Variants in CCSER1 observed in about 807,000 individuals in gnomAD.
The protein encoded by CCSER1 is serine-rich coiled-coil domain-containing protein 1.
Under a neutral mutation model 82.0 loss-of-function variants are expected in CCSER1, and 41 were observed. The observed-to-expected ratio is 0.50, with a 90% CI of 0.39 to 0.65. The LOEUF (loss-of-function observed/expected upper bound fraction) is 0.65, where lower values mean the gene tolerates loss of function less well. Among genes scored for constraint, CCSER1 ranks in the 30% least tolerant of loss-of-function variants. The pLI is 0.00. For synonymous variants in CCSER1, 414 were observed against 383.9 expected (o/e 1.08, Z -0.92); for missense variants, 1,119 against 1,064.2 (o/e 1.05, Z -0.72).
At chr4:90,600,010 T>C (rs1236990573) in intron 5 of CCSER1, among the ~76,000 whole-genome samples, 1 of 152,212 alleles carries the variant, frequency 6.6e-6, no homozygotes, top group Non-Finnish European at 1.5e-5. Context: ...AACATAATTA[T>C]TTTGATGTTC....
At chr4:90,338,111 TA>T (rs1212615797) in intron 3 of CCSER1, among the ~76,000 whole-genome samples, 2 of 152,226 alleles carry the variant, frequency 1.3e-5, no homozygotes, top group Non-Finnish European at 2.9e-5. Context: ...TCTTTGTTCT[TA>T]AAACCAGTCA....
Position 91,460,769 on chromosome 4 carries a change from T to C in CCSER1, c.2218-137803T>C, listed in dbSNP as rs145868352. ...TATTGTGAGTGGCCTTACACTTTCA[T>C]CCATAAATGTGAGGATGAAAGAAAA... On this transcript the variant is annotated intron_variant, in intron 10 of 10. Coordinates refer to ENST00000509176, the MANE Select transcript of CCSER1 (RefSeq NM_001145065.2). Among the ~76,000 whole-genome samples, 27 of 152,266 alleles carry C rather than the reference T, an allele frequency of 1.8e-4. No homozygotes were observed. The East Asian group carries it at 5.2e-3, about 29-fold the overall frequency.
chr4:91,445,870 T>A (rs1043037710), intron 10 of CCSER1, among the ~76,000 whole-genome samples: 1 of 152,126 alleles, frequency 6.6e-6, no homozygotes, highest in Admixed American at 6.6e-5. Context: ...AGTGGGTTTT[T>A]TTTTCTTTAT....
At chr4:90,619,795 T>C (rs1721967791) in intron 5 of CCSER1, among the ~76,000 whole-genome samples, 1 of 152,130 alleles carries the variant, frequency 6.6e-6, no homozygotes, top group African/African-American at 2.4e-5. Flanking sequence ...AATTTGGATT[T>C]TTTTTGTTCA....
intron 1 of CCSER1, among the ~76,000 whole-genome samples, chr4:90,141,606 T>C (rs1724809774): frequency 6.6e-6 from 1 of 152,218 alleles, no homozygotes; most frequent in African/African-American, 2.4e-5. Flanking sequence ...AAAAAATGAA[T>C]GAGGAGACTG....
intron 10 of CCSER1, among the ~76,000 whole-genome samples, chr4:91,227,546 A>G (rs1015894330): frequency 6.6e-6 from 1 of 151,020 alleles, no homozygotes; most frequent in Non-Finnish European, 1.5e-5. Context: ...CATGGGGTAC[A>G]TGTACTGGTT....
At chr4:90,691,623 TGTATGTATATATATCAC>T (rs1335359836) in intron 6 of CCSER1, among the ~76,000 whole-genome samples, 4 of 143,276 alleles carry the variant, frequency 2.8e-5, no homozygotes, top group Non-Finnish European at 6.2e-5. Context: ...TGTATATATG[TGTATGTATATATATCAC>T]ATGTATATAT....
intron 8 of CCSER1, among the ~76,000 whole-genome samples, chr4:90,896,367 A>G (rs1489317206): frequency 6.6e-6 from 1 of 151,942 alleles, no homozygotes; most frequent in African/African-American, 2.4e-5. Context: ...GTGTAAGGAG[A>G]GAGGTGATCT....
chr4:90,838,070 AAAG>A (rs1762033921), intron 8 of CCSER1, among the ~76,000 whole-genome samples: 1 of 152,122 alleles, frequency 6.6e-6, no homozygotes, highest in Non-Finnish European at 1.5e-5. Flanking sequence ...TCAGTATAAA[AAAG>A]AAAAAAAACC....
chr4:91,071,517 A>C (rs1336884084), intron 9 of CCSER1, among the ~76,000 whole-genome samples: 3 of 152,188 alleles, frequency 2.0e-5, no homozygotes, highest in African/African-American at 4.8e-5. Flanking sequence ...AAGAACTATC[A>C]AGAGAGTCAT....
chr4:91,296,483 A>ATATATATATATATATTATTTATT (rs1175690764), intron 10 of CCSER1, among the ~76,000 whole-genome samples: 1 of 124,066 alleles, frequency 8.1e-6, no homozygotes, highest in Admixed American at 7.7e-5. Flanking sequence ...ATATATATAT[A>ATATATATATATATATTATTTATT]TATTTTAATT....
intron 9 of CCSER1, among the ~76,000 whole-genome samples, chr4:91,016,365 C>T (rs907618768): frequency 6.6e-6 from 1 of 151,870 alleles, no homozygotes; most frequent in African/African-American, 2.4e-5. Context: ...TTTTCATTGA[C>T]TTTAGAAAGC....
intron 9 of CCSER1, among the ~76,000 whole-genome samples, chr4:90,971,679 T>A (rs188939243): frequency 6.6e-6 from 1 of 151,934 alleles, no homozygotes; most frequent in African/African-American, 2.4e-5. Flanking sequence ...CAAATTACCC[T>A]GAATATCAAA....
At chr4:90,410,116 C>A (rs188140457) in intron 4 of CCSER1, among the ~76,000 whole-genome samples, 4 of 152,220 alleles carry the variant, frequency 2.6e-5, no homozygotes, top group African/African-American at 9.6e-5. Flanking sequence ...TACAGGAGCA[C>A]CCAGATTCAT....
At position 90,874,341 on chromosome 4, in the gene CCSER1, T is replaced by G. The variant is rs563285196; in HGVS notation, c.2095-49029T>G. Among the ~76,000 whole-genome samples the G allele has an allele frequency of 4.6e-5, 7 of 152,314 alleles. No homozygotes were observed. In the East Asian group the frequency reaches 1.2e-3, roughly 25 times the overall value. On this transcript the variant is annotated intron_variant, in intron 8 of 10. Transcript: ENST00000509176. ...TAAGCACATAAAGCTAGTGGCCATG[T>G]AGCAAACCTCTAAATTTTTTTAAAA...
chr4:91,043,666 C>T (rs1366809489), intron 9 of CCSER1, among the ~76,000 whole-genome samples: 2 of 141,044 alleles, frequency 1.4e-5, no homozygotes, highest in East Asian at 2.1e-4. Context: ...TCTCAGCTCA[C>T]TGCAACCTCC....
chr4:90,854,471 A>G (rs17248796), intron 8 of CCSER1, among the ~76,000 whole-genome samples: 27,578 of 152,026 alleles, frequency 0.18, 2,795 homozygotes, highest in South Asian at 0.27. Flanking sequence ...CATTTTTTGC[A>G]TTGCTATTTT....
At chr4:90,322,821 T>G (rs918456714) in intron 3 of CCSER1, among the ~76,000 whole-genome samples, 5 of 152,104 alleles carry the variant, frequency 3.3e-5, no homozygotes, top group Non-Finnish European at 7.4e-5. Flanking sequence ...GAGGGAGGGG[T>G]AATGTAAGTA....
chr4:91,529,982 A>G (rs566444673), intron 10 of CCSER1, among the ~76,000 whole-genome samples: 2 of 152,098 alleles, frequency 1.3e-5, no homozygotes, highest in African/African-American at 4.8e-5. Flanking sequence ...AACTATATCC[A>G]TATGTGCTGA....
Sources: gnomAD v4.1 joint callset for allele counts (sites outside exome capture counted in the v4.1 genomes callset) on GRCh38, gnomAD v4.1.1 for gene constraint, MANE v1.5 for transcripts, NCBI Gene and HGNC (gene_info 2026-07-23, HGNC 2026-07-21) for gene names.